C1orf21: variants seen among roughly 807,000 people sequenced by gnomAD.
The protein encoded by C1orf21 is uncharacterized protein C1orf21.
C1orf21 carries 3 observed loss-of-function variants against 18.7 expected under a neutral mutation model. That is an observed-to-expected ratio of 0.16 (90% CI 0.07 to 0.42). C1orf21 has a LOEUF of 0.42. Ranked by LOEUF, C1orf21 falls within the 10% of genes least tolerant of loss-of-function variation. The pLI is 0.99. For synonymous variants in C1orf21, 41 were observed against 46.4 expected (o/e 0.88, Z 0.47); for missense variants, 104 against 143.6 (o/e 0.72, Z 1.41).
At chr1:184,463,512 A>G (rs542917586) in intron 1 of C1orf21, among the ~76,000 whole-genome samples, 2 of 152,298 alleles carry the variant, frequency 1.3e-5, no homozygotes, top group South Asian at 4.1e-4. Flanking sequence ...TAATTTCCGT[A>G]GGTTTCTCAT....
At chr1:184,461,373 G>A (rs1657305674) in intron 1 of C1orf21, among the ~76,000 whole-genome samples, 1 of 152,196 alleles carries the variant, frequency 6.6e-6, no homozygotes, top group Non-Finnish European at 1.5e-5. Context: ...GCGATGTTGA[G>A]AGCCCTGGCG....
chr1:184,598,919 T>A (rs1426526819), intron 5 of C1orf21, among the ~76,000 whole-genome samples: 1 of 152,194 alleles, frequency 6.6e-6, no homozygotes, highest in Non-Finnish European at 1.5e-5. Context: ...ACAGATATTA[T>A]CTACATTTTA....
At position 184,619,686 on chromosome 1, in the gene C1orf21, CGCCCCATTAA is replaced by C. The variant is rs1659885583; in HGVS notation, c.*131_*140del. 1 of 705,738 alleles carries C rather than the reference CGCCCCATTAA, an allele frequency of 1.4e-6. No homozygotes were observed. 43.7% of individuals were successfully genotyped at this position (705,738 alleles called of 1,614,324 possible). A position where few individuals can be genotyped will look rare whatever the true frequency, so the allele number is the denominator to read the frequency against. On this transcript the variant is annotated 3_prime_UTR_variant, in exon 6 of 6. Transcript: ENST00000235307. ...CAAAAGAAGATCGTTCCATATTGTA[CGCCCCATTAA>C]ATTACAGTGTTTCTTAATGAACTTG...
intron 1 of C1orf21, among the ~76,000 whole-genome samples, chr1:184,424,231 A>T (rs1656594912): frequency 6.6e-6 from 1 of 152,108 alleles, no homozygotes; most frequent in Admixed American, 6.5e-5. Flanking sequence ...CAGTTCCCTT[A>T]AAAGGGCCTC....
chr1:184,462,563 C>A (rs151044358), intron 1 of C1orf21, among the ~76,000 whole-genome samples: 1 of 151,992 alleles, frequency 6.6e-6, no homozygotes, highest in African/African-American at 2.4e-5. Context: ...GTTACTGAAC[C>A]CTGAATTACT....
intron 3 of C1orf21, among the ~76,000 whole-genome samples, chr1:184,569,977 A>G (rs888237511): frequency 1.3e-5 from 2 of 152,230 alleles, no homozygotes; most frequent in African/African-American, 4.8e-5. Flanking sequence ...GGTCTATCCA[A>G]ATCATCCTCG....
At chr1:184,511,948 C>T (rs1228515831) in intron 3 of C1orf21, among the ~76,000 whole-genome samples, 1 of 152,170 alleles carries the variant, frequency 6.6e-6, no homozygotes, top group Non-Finnish European at 1.5e-5. Flanking sequence ...CTTCCCCTTA[C>T]AAGTGAAGAT....
At chr1:184,473,484 A>C (rs553589426) in intron 1 of C1orf21, among the ~76,000 whole-genome samples, 21 of 152,174 alleles carry the variant, frequency 1.4e-4, no homozygotes, top group Admixed American at 1.2e-3. Flanking sequence ...AAAATGCTGG[A>C]GTTTACGTGA....
At chr1:184,606,821 T>C (rs1659653039) in intron 5 of C1orf21, among the ~76,000 whole-genome samples, 1 of 152,152 alleles carries the variant, frequency 6.6e-6, no homozygotes. Context: ...TCTGGAAGAA[T>C]AGCATTTTGC....
chr1:184,492,254 A>T (rs1258857001), intron 2 of C1orf21, among the ~76,000 whole-genome samples: 1 of 152,226 alleles, frequency 6.6e-6, no homozygotes, highest in Admixed American at 6.5e-5. Flanking sequence ...TAACCATGCT[A>T]CAGGGTGACC....
intron 3 of C1orf21, among the ~76,000 whole-genome samples, chr1:184,522,500 T>C (rs1658319296): frequency 6.6e-6 from 1 of 151,900 alleles, no homozygotes; most frequent in African/African-American, 2.4e-5. Flanking sequence ...CGTCTTGTAG[T>C]GTCAGAAAGT....
intron 2 of C1orf21, among the ~76,000 whole-genome samples, chr1:184,491,837 A>G (rs1657821280): frequency 6.6e-6 from 1 of 152,210 alleles, no homozygotes; most frequent in Non-Finnish European, 1.5e-5. Context: ...AGCTATGAGA[A>G]CAAAAGTAAA....
intron 1 of C1orf21, among the ~76,000 whole-genome samples, chr1:184,434,088 G>A (rs930834763): frequency 6.6e-6 from 1 of 152,072 alleles, no homozygotes; most frequent in Non-Finnish European, 1.5e-5. Flanking sequence ...CCAGACTCTG[G>A]ACCCGTCCTT....
At position 184,405,346 on chromosome 1, in the gene C1orf21, C is replaced by T. The variant is rs113432832; in HGVS notation, c.-125+17978C>T. ...GAGTAGCTTGGACTTCAGGAGTGTG[C>T]CACCATGCCTGGCAAATTTTTGTAT... On this transcript the variant is annotated intron_variant, in intron 1 of 5. Coordinates refer to ENST00000235307, the MANE Select transcript of C1orf21 (RefSeq NM_030806.4). 7.5e-4 allele frequency among the ~76,000 whole-genome samples: 114 copies of T among 152,184 alleles called. 1 individual carries two copies. The highest frequency in any genetic ancestry group is 2.7e-3 in the African/African-American group (112 of 41,538).
At chr1:184,596,973 A>C (rs575673271) in intron 4 of C1orf21, among the ~76,000 whole-genome samples, 11 of 152,202 alleles carry the variant, frequency 7.2e-5, no homozygotes, top group African/African-American at 2.4e-4. Context: ...TTTGCATCCA[A>C]CGTGGCTCAA....
chr1:184,515,883 G>A (rs1017047230), intron 3 of C1orf21, among the ~76,000 whole-genome samples: 6 of 152,006 alleles, frequency 3.9e-5, no homozygotes, highest in African/African-American at 1.4e-4. Context: ...GCGTGATCTC[G>A]GCTCACTGCA....
intron 2 of C1orf21, among the ~76,000 whole-genome samples, chr1:184,496,044 A>T (rs1334550591): frequency 6.6e-6 from 1 of 152,018 alleles, no homozygotes; most frequent in African/African-American, 2.4e-5. Context: ...GGTGAAGAGA[A>T]GTTGGCAGAA....
intron 3 of C1orf21, among the ~76,000 whole-genome samples, chr1:184,585,244 A>G (rs143638806): frequency 5.9e-5 from 9 of 152,204 alleles, no homozygotes; most frequent in African/African-American, 1.7e-4. Flanking sequence ...TCCTAATGAT[A>G]CTAAGAGGCT....
Position 184,448,851 on chromosome 1 carries a change from A to G in C1orf21, c.-124-28535A>G, listed in dbSNP as rs888953701. Among the ~76,000 whole-genome samples, 9 of 152,078 alleles carry G rather than the reference A, an allele frequency of 5.9e-5. 1 individual carries two copies. The East Asian group carries it at 1.2e-3, about 20-fold the overall frequency. ...TAACTTATTAAGTCCCTGCCTTTCT[A>G]AGTTCTAAGTTCCTCTACTTCCTCC... On this transcript the variant is annotated intron_variant, in intron 1 of 5. Transcript: ENST00000235307.
Sources: gnomAD v4.1 joint callset for allele counts (sites outside exome capture counted in the v4.1 genomes callset) on GRCh38, gnomAD v4.1.1 for gene constraint, MANE v1.5 for transcripts, NCBI Gene and HGNC (gene_info 2026-07-23, HGNC 2026-07-21) for gene names.